Variants in MTNAP1 observed in about 807,000 individuals in gnomAD.
MTNAP1 encodes the protein mitochondrial nucleoid-associated protein 1.
chr17:73,240,257 G>A, the MTNAP1 span, among the ~76,000 whole-genome samples: 1 of 152,174 alleles, frequency 6.6e-6, no homozygotes, highest in African/African-American at 2.4e-5. Context: ...ACTAATAAAT[G>A]TTGTACTTAG....
At chr17:73,232,631 T>G in the MTNAP1 span, 8 of 252,504 alleles carry the variant, frequency 3.2e-5, no homozygotes, top group East Asian at 7.6e-5. Flanking sequence ...CCTGACGAGG[T>G]TCCTTGGCCG....
the MTNAP1 span, chr17:73,247,302 G>C: frequency 2.5e-6 from 4 of 1,614,218 alleles, no homozygotes; most frequent in Non-Finnish European, 3.4e-6. Context: ...GTGTGGCGAA[G>C]ACGACTGGGG....
the MTNAP1 span, chr17:73,236,025 T>C: frequency 6.2e-7 from 1 of 1,614,182 alleles, no homozygotes; most frequent in South Asian, 1.1e-5. Context: ...TAGAACCTTC[T>C]TTGTCAAATC....
the MTNAP1 span, chr17:73,247,140 G>T: frequency 1.0e-6 from 1 of 972,024 alleles, no homozygotes; most frequent in Non-Finnish European, 1.6e-6. Context: ...TGGTTAGGTG[G>T]CATCCATGGC....
chr17:73,234,017 T>G, the MTNAP1 span, among the ~76,000 whole-genome samples: 1 of 152,250 alleles, frequency 6.6e-6, no homozygotes, highest in Non-Finnish European at 1.5e-5. Flanking sequence ...GTGTCTATTT[T>G]GTAAGTGGTT....
chr17:73,245,391 C>A, the MTNAP1 span: 1 of 1,243,544 alleles, frequency 8.0e-7, no homozygotes, highest in Non-Finnish European at 1.0e-6. Context: ...AGATCTGGTT[C>A]TGTCTGGATG....
At chr17:73,243,186 C>T in the MTNAP1 span, 1 of 628,988 alleles carries the variant, frequency 1.6e-6, no homozygotes, top group Non-Finnish European at 2.8e-6. Flanking sequence ...TACAGTTTTG[C>T]TCTTGTTGCC....
At chr17:73,238,940 G>GT in the MTNAP1 span, among the ~76,000 whole-genome samples, 1 of 123,358 alleles carries the variant, frequency 8.1e-6, no homozygotes, top group Non-Finnish European at 1.8e-5. Context: ...TGTGTGTTTT[G>GT]TTTTTTTGTT....
the MTNAP1 span, chr17:73,243,073 C>T: frequency 9.0e-6 from 9 of 996,570 alleles, no homozygotes; most frequent in African/African-American, 1.7e-4. Flanking sequence ...AAGGGATTCT[C>T]TGAATTTTTT....
the MTNAP1 span, among the ~76,000 whole-genome samples, chr17:73,241,031 G>T: frequency 6.6e-6 from 1 of 152,108 alleles, no homozygotes; most frequent in African/African-American, 2.4e-5. Context: ...ACCTGTTGTC[G>T]GTGTTTAATT....
At chr17:73,239,929 C>G in the MTNAP1 span, among the ~76,000 whole-genome samples, 80,056 of 151,974 alleles carry the variant, frequency 0.53, 21,135 homozygotes, top group East Asian at 0.62. Context: ...CAGTGAACCT[C>G]AAGTTGAGTT....
At chr17:73,245,385 C>G in the MTNAP1 span, 10 of 1,249,256 alleles carry the variant, frequency 8.0e-6, no homozygotes, top group Non-Finnish European at 1.0e-5. Context: ...ATAGACAGAT[C>G]TGGTTCTGTC....
the MTNAP1 span, among the ~76,000 whole-genome samples, chr17:73,241,148 GAGCATA>G: frequency 6.6e-6 from 1 of 152,156 alleles, no homozygotes; most frequent in Admixed American, 6.5e-5. Context: ...TGTGATTAAG[GAGCATA>G]AGCCCTCTTT....
the MTNAP1 span, among the ~76,000 whole-genome samples, chr17:73,240,704 G>A: frequency 6.6e-6 from 1 of 152,190 alleles, no homozygotes; most frequent in South Asian, 2.1e-4. Flanking sequence ...GGGCCAGTGA[G>A]CTAACAGTTA....
chr17:73,236,209 A>G, the MTNAP1 span: 1 of 1,614,194 alleles, frequency 6.2e-7, no homozygotes, highest in Non-Finnish European at 8.5e-7. Flanking sequence ...TAAAAGGGTA[A>G]GAACATTATT....
chr17:73,239,588 G>A, the MTNAP1 span, among the ~76,000 whole-genome samples: 5 of 147,650 alleles, frequency 3.4e-5, no homozygotes. Context: ...GCACAATCAC[G>A]GCTCACTGCA....
the MTNAP1 span, among the ~76,000 whole-genome samples, chr17:73,241,453 C>G: frequency 6.6e-6 from 1 of 152,226 alleles, no homozygotes; most frequent in South Asian, 2.1e-4. Flanking sequence ...CCACCGCGCC[C>G]GGCCTGCATA....
the MTNAP1 span, chr17:73,245,336 A>G: frequency 1.4e-6 from 2 of 1,385,610 alleles, no homozygotes; most frequent in South Asian, 1.8e-5. Context: ...AATTATTGGA[A>G]TCTAAAATAA....
the MTNAP1 span, chr17:73,248,559 G>T: frequency 1.9e-6 from 3 of 1,551,278 alleles, no homozygotes; most frequent in Non-Finnish European, 2.6e-6. Context: ...TACAAATGCA[G>T]CGTGAGAATC....
Sources: allele counts gnomAD v4.1 joint callset (sites outside exome capture counted in the v4.1 genomes callset), GRCh38; gene constraint gnomAD v4.1.1; transcripts MANE v1.5; gene names NCBI Gene and HGNC (gene_info 2026-07-23, HGNC 2026-07-21).